STING1: variants seen among roughly 807,000 people sequenced by gnomAD.
STING1 encodes the protein stimulator of interferon response cGAMP interactor 1, also known as stimulator of interferon genes protein.
Under a neutral mutation model 31.6 loss-of-function variants are expected in STING1, and 19 were observed. The ratio of observed to expected loss-of-function variants is 0.60; its 90% CI spans 0.42 to 0.88. The LOEUF is 0.88. STING1 is among the 40% of genes least tolerant of loss of function. The pLI is 0.00. For missense variants in STING1, 371 were observed against 483.7 expected (o/e 0.77, Z 2.19); for synonymous variants, 200 against 208.6 (o/e 0.96, Z 0.35).
At chr5:139,477,098 G>A (rs916194406) in intron 7 of STING1, among the ~76,000 whole-genome samples, 3 of 152,100 alleles carry the variant, frequency 2.0e-5, no homozygotes, top group Non-Finnish European at 4.4e-5. Context: ...TGGAATCCTA[G>A]ATGAAGTGAG....
chr5:139,476,318 A>G lies in STING1; in HGVS notation c.1083T>C (p.Pro361=), dbSNP rs769406642. ...VPSTSTMSQE[P]ELLISGMEKP... ...TTTCCATTCCACTGATGAGGAGCTCAGGCTCTTGGGACATCGTGGAGGTAC... is the reference window on the plus strand; with the variant it reads ...TTTCCATTCCACTGATGAGGAGCTCGGGCTCTTGGGACATCGTGGAGGTAC... Residue 361 remains proline (P), a synonymous_variant, in exon 8 of 8, where the codon CCT becomes CCC. Transcript: ENST00000330794. 4 of 1,610,348 alleles carry G rather than the reference A, an allele frequency of 2.5e-6. No individual in the cohort carries two copies. Among genetic ancestry groups the G allele is most frequent in the Non-Finnish European group, 3.4e-6 (4 of 1,178,540 alleles).
At position 139,476,557 on chromosome 5, in the gene STING1, C is replaced by A. The variant is rs113151273; in HGVS notation, c.947-103G>T. The A allele has an allele frequency of 3.4e-5, 35 of 1,025,718 alleles. No individual in the cohort carries two copies. In the Admixed American group the frequency reaches 3.4e-4, roughly 10 times the overall value. The allele number at this position is 1,025,718 out of a possible 1,614,324, so 63.5% of individuals were successfully genotyped here. On this transcript the variant is annotated intron_variant, in intron 7 of 7. Coordinates refer to ENST00000330794, the MANE Select transcript of STING1 (RefSeq NM_198282.4). ...GAAGATCCCCTAACCCTCCCTACCCCCCTTCCTACCCAAGCCCCAGCCACT... is the reference window on the plus strand; with the variant it reads ...GAAGATCCCCTAACCCTCCCTACCCACCTTCCTACCCAAGCCCCAGCCACT...
At position 139,481,337 on chromosome 5, in the gene STING1, C is replaced by T. The variant is rs11554775; in HGVS notation, c.233G>A (p.Arg78Gln). The T allele has an allele frequency of 1.4e-5, 23 of 1,590,796 alleles. No individual in the cohort carries two copies. The highest frequency in any genetic ancestry group is 1.4e-4 in the South Asian group (12 of 86,224). The change falls in exon 4 of 8, where the codon CGG becomes CAG. Residue 78 changes from arginine to glutamine, a missense_variant. By Grantham distance (43) the Arg-to-Gln change is conservative. Transcript: ENST00000330794. The surrounding 1 kb of genome is among the most constrained non-coding windows in gnomAD (Gnocchi z 4.1). ...EELRHIHSRY[R>Q]GSYWRTVRAC... Reference sequence around the variant, plus strand: ...CCGCACAGTCCTCCAGTAGCTGCCCCGGTACCTGTGAGTGACAGCCAGACC... The same window carrying T: ...CCGCACAGTCCTCCAGTAGCTGCCCTGGTACCTGTGAGTGACAGCCAGACC...
rs750561744 is a variant in STING1 at position 139,478,457 on chromosome 5, C to T, written c.572G>A (p.Arg191Gln). The T allele has an allele frequency of 1.5e-5, 25 of 1,614,140 alleles. No individual in the cohort carries two copies. In the East Asian group the frequency reaches 4.5e-4, roughly 29 times the overall value. The change falls in exon 6 of 8, where the codon CGG becomes CAG. Residue 191 changes from arginine (R) to glutamine (Q), a missense_variant. By Grantham distance (43) the Arg-to-Gln change is conservative. Transcript: ENST00000330794. ...ATACAGCCGCTGGCTCACTGCACCC[C>T]GTAGCAGGTTGTTGTAATGCTGATT... The part of the protein sequence containing the change: ...TYNQHYNNLL[R>Q]GAVSQRLYIL...
At chr5:139,477,019 T>C (rs1751681824) in intron 7 of STING1, among the ~76,000 whole-genome samples, 1 of 152,074 alleles carries the variant, frequency 6.6e-6, no homozygotes, top group Non-Finnish European at 1.5e-5. Context: ...GAGGGAGTAG[T>C]AGAGCCGAGG....
intron 7 of STING1, 134 bp downstream of exon 7, chr5:139,477,195 G>A (rs943226898): frequency 1.0e-5 from 9 of 900,480 alleles, no homozygotes; most frequent in East Asian, 2.5e-5. Flanking sequence ...GGAAGAGGGG[G>A]CTTCTCCCAG....
intron 7 of STING1, among the ~76,000 whole-genome samples, chr5:139,476,722 T>C (rs1032883425): frequency 1.3e-5 from 2 of 151,866 alleles, no homozygotes; most frequent in Non-Finnish European, 2.9e-5. Context: ...CTGGCCAATA[T>C]GATGAAACCC....
At position 139,481,355 on chromosome 5, in the gene STING1, G is replaced by A. The variant is rs760881550; in HGVS notation, c.228-13C>T. ...GCTGCCCCGGTACCTGTGAGTGACA[G>A]CCAGACCCCAGACCCCAGCCCCCAG... On this transcript the variant is annotated splice_polypyrimidine_tract_variant and intron_variant, in intron 3 of 7. Transcript: ENST00000330794. The surrounding 1 kb of genome is among the most constrained non-coding windows in gnomAD (Gnocchi z 4.1). 1 of 1,583,902 alleles carries A rather than the reference G, an allele frequency of 6.3e-7. No individual in the cohort carries two copies. The highest frequency in any genetic ancestry group is 8.6e-7 in the Non-Finnish European group (1 of 1,163,760).
intron 1 of STING1, 27 bp downstream of exon 1, chr5:139,482,523 A>T (rs1751889546): frequency 1.3e-5 from 2 of 152,106 alleles, no homozygotes; most frequent in Non-Finnish European, 1.5e-5. Flanking sequence ...TGCTACCCCC[A>T]AACCAAGGGT....
chr5:139,480,938 G>T, intron 4 of STING1, 40 bp from the exon 5 acceptor site: 1 of 1,497,934 alleles, frequency 6.7e-7, no homozygotes, highest in Non-Finnish European at 9.3e-7. Flanking sequence ...CTCCATCAAG[G>T]ACACCCAGAG....
chr5:139,481,398 G>A lies in STING1; in HGVS notation c.228-56C>T. On this transcript the variant is annotated intron_variant, in intron 3 of 7. Transcript: ENST00000330794. This position sits in a 1 kb window ranked among gnomAD's most constrained non-coding sequence, Gnocchi z 4.1. ...GCCCCCAGCCCAGCTCAGCCAGAGA[G>A]GTTCAAGGAGGGGCAGGGCTAGGCA... 1.9e-6 allele frequency: 3 copies of A among 1,583,572 alleles called. No individual in the cohort carries two copies. The highest frequency in any genetic ancestry group is 1.7e-6 in the Non-Finnish European group (2 of 1,162,540).
Position 139,476,361 on chromosome 5 carries a change from T to G in STING1, c.1040A>C (p.Lys347Thr), listed in dbSNP as rs545936447. 1 of 1,612,784 alleles carries G rather than the reference T, an allele frequency of 6.2e-7. No individual in the cohort carries two copies. The highest frequency in any genetic ancestry group is 1.3e-5 in the African/African-American group (1 of 74,990). ...GGAGGTACTGGGCACCGCTGAGGTC[T>G]TCAAGCTGCCCACAGTAACCTCTTC... ...EKEEVTVGSL[K>T]TSAVPSTSTM... The change falls in exon 8 of 8, where the codon AAG (lysine) becomes ACG (threonine). Residue 347 changes from lysine (K) to threonine (T), a missense_variant. Coordinates refer to ENST00000330794, the MANE Select transcript of STING1 (RefSeq NM_198282.4).
Position 139,481,178 on chromosome 5 carries a change from T to C in STING1, c.392A>G (p.Asn131Ser). The C allele has an allele frequency of 1.2e-6, 2 of 1,614,174 alleles. No homozygotes were observed. The highest frequency in any genetic ancestry group is 1.7e-6 in the Non-Finnish European group (2 of 1,180,010). The change falls in exon 4 of 8, where the codon AAC becomes AGC. Residue 131 changes from asparagine (N) to serine (S), a missense_variant. Asn to Ser is a conservative substitution (Grantham distance 46, BLOSUM62 1). Coordinates refer to ENST00000330794, the MANE Select transcript of STING1 (RefSeq NM_198282.4). This position sits in a 1 kb window ranked among gnomAD's most constrained non-coding sequence, Gnocchi z 4.1. ...LALLGLSQAL[N>S]ILLGLKGLAP... is the part of the protein sequence containing the mutation. ...TCATACCTTGAGGCCCAGGAGGATGTTCAGTGCCTGCGAGAGGCCCAGGAG... is the reference window on the plus strand; with the variant it reads ...TCATACCTTGAGGCCCAGGAGGATGCTCAGTGCCTGCGAGAGGCCCAGGAG...
At chr5:139,480,456 T>C (rs1251200389) in intron 5 of STING1, among the ~76,000 whole-genome samples, 2 of 152,078 alleles carry the variant, frequency 1.3e-5, no homozygotes, top group Non-Finnish European at 2.9e-5. Flanking sequence ...TGAGCCAGGA[T>C]AATCACTTGA....
intron 5 of STING1, chr5:139,478,965 C>G (rs1297257963): frequency 1.2e-5 from 2 of 162,914 alleles, no homozygotes; most frequent in Non-Finnish European, 2.7e-5. Flanking sequence ...CACAGTGGCT[C>G]ACGCCTGTAA....
rs767815396 is a variant in STING1, at chr5:139,476,550, C to T, written c.947-96G>A. 1.0e-3 allele frequency: 1,157 copies of T among 1,123,650 alleles called. 1 individual carries two copies. Among genetic ancestry groups the T allele is most frequent in the Non-Finnish European group, 1.2e-3 (963 of 792,620 alleles). The allele number at this position is 1,123,650 out of a possible 1,614,324, so 69.6% of individuals were successfully genotyped here. ...TTGCTGGGAAGATCCCCTAACCCTC[C>T]CTACCCCCCTTCCTACCCAAGCCCC... On this transcript the variant is annotated intron_variant, in intron 7 of 7. Transcript: ENST00000330794.
chr5:139,476,474 G>C lies in STING1; in HGVS notation c.947-20C>G. 1 of 1,609,534 alleles carries C rather than the reference G, an allele frequency of 6.2e-7. No homozygotes were observed. The highest frequency in any genetic ancestry group is 8.5e-7 in the Non-Finnish European group (1 of 1,178,282). The stretch of plus-strand genomic sequence containing the variant: ...CAGGTTCTGGAACAGGGAGATAGGG[G>C]AGAGAGTAATGAGGATCTTACCCAT... On this transcript the variant is annotated intron_variant, in intron 7 of 7. Transcript: ENST00000330794.
intron 6 of STING1, among the ~76,000 whole-genome samples, chr5:139,477,802 C>T (rs1047661142): frequency 1.3e-5 from 2 of 152,198 alleles, no homozygotes; most frequent in African/African-American, 2.4e-5. Context: ...TCAACTGCTC[C>T]AGCTGGGAAT....
intron 7 of STING1, among the ~76,000 whole-genome samples, chr5:139,476,682 A>G (rs1384906819): frequency 1.3e-5 from 2 of 152,028 alleles, no homozygotes; most frequent in African/African-American, 4.8e-5. Flanking sequence ...CGAGGCAGGT[A>G]GATCATGAGG....
Sources: gnomAD v4.1 joint callset for allele counts (sites outside exome capture counted in the v4.1 genomes callset) on GRCh38, gnomAD v4.1.1 for gene constraint, Gnocchi (gnomAD v3.1) non-coding constraint, MANE v1.5 for transcripts, NCBI Gene and HGNC (gene_info 2026-07-23, HGNC 2026-07-21) for gene names.